The following XG variants were observed in gnomAD, a reference collection of about 807,000 sequenced individuals.
The protein encoded by XG is Xg glycoprotein (Xg blood group).
A neutral mutation model predicts 25.7 loss-of-function variants in XG; 24 were observed. The observed-to-expected ratio is 0.93, with a 90% CI of 0.68 to 1.31. XG has a LOEUF of 1.31. Among genes scored for constraint, XG ranks in the 40% most tolerant of loss-of-function variants. XG has a pLI of 0.00. For missense variants in XG, 181 were observed against 187.6 expected, an observed-to-expected ratio of 0.96 and a Z score of 0.21; for synonymous variants, 77 against 69.2, an observed-to-expected ratio of 1.11 and a Z score of -0.56.
At position 2,764,276 on chromosome X, in the gene XG, A is replaced by G. The variant is rs553417061; in HGVS notation, c.62-6274A>G. ...TCAAGAAAGAACCATACAAATGGGC[A>G]ACCAGTGGCCCTCGGGGCTGCTCCG... On this transcript the variant is annotated intron_variant, in intron 1 of 10. Transcript: ENST00000644266. Among the ~76,000 whole-genome samples the G allele has an allele frequency of 3.9e-5, 6 of 152,286 alleles. No homozygotes were observed. In the South Asian group the frequency reaches 1.2e-3, roughly 32 times the overall value.
chrX:2,765,048 A>G (rs1379575382), intron 1 of XG, among the ~76,000 whole-genome samples: 4 of 116,694 alleles, frequency 3.4e-5, no homozygotes, highest in Non-Finnish European at 1.8e-5. Context: ...ATCCAAAAAA[A>G]AAAAAAAAAA....
At chrX:2,758,952 C>CTCTT (rs2050497292) in intron 1 of XG, among the ~76,000 whole-genome samples, 1 of 28,484 alleles carries the variant, frequency 3.5e-5, no homozygotes, top group African/African-American at 1.1e-4. Context: ...TATTATCTAT[C>CTCTT]TATTTATCTA....
At chrX:2,806,794 G>A in intron 8 of XG, 49 bp downstream of exon 8, 6 of 1,003,083 alleles carry the variant, frequency 6.0e-6, no homozygotes, top group Non-Finnish European at 8.1e-6. Flanking sequence ...CTGTCCATTT[G>A]CAAATAACTA....
At chrX:2,814,342 T>G (rs753849033) in intron 10 of XG, 22 bp from the exon 11 acceptor site, 55 of 1,197,374 alleles carry the variant, frequency 4.6e-5, no homozygotes, top group Non-Finnish European at 4.7e-5. Flanking sequence ...ACAATGACAT[T>G]TGTTTCTAAT....
chrX:2,764,001 C>T (rs1413440273), intron 1 of XG, among the ~76,000 whole-genome samples: 2 of 152,076 alleles, frequency 1.3e-5, no homozygotes, highest in African/African-American at 4.8e-5. Context: ...TTCTAAGGCA[C>T]AGGATGAGAT....
At chrX:2,796,299 A>G (rs2086885689) in intron 6 of XG, among the ~76,000 whole-genome samples, 1 of 108,332 alleles carries the variant, frequency 9.2e-6, no homozygotes, top group Non-Finnish European at 1.9e-5. Flanking sequence ...TATATGCATT[A>G]TTTGTATAAA....
chrX:2,759,636 G>A (rs1214244296), intron 1 of XG, among the ~76,000 whole-genome samples: 1 of 152,166 alleles, frequency 6.6e-6, no homozygotes, highest in Admixed American at 6.5e-5. Flanking sequence ...AAGACATCTG[G>A]CAAATATTGG....
At chrX:2,791,552 CTA>C (rs1165273174) in intron 5 of XG, among the ~76,000 whole-genome samples, 7 of 109,888 alleles carry the variant, frequency 6.4e-5, no homozygotes, top group African/African-American at 2.3e-4. Flanking sequence ...GTATCCTAGA[CTA>C]TGTTCCCCCA....
chrX:2,770,731 G>T (rs1250228393), intron 2 of XG, 140 bp downstream of exon 2: 1 of 976,830 alleles, frequency 1.0e-6, no homozygotes, highest in Non-Finnish European at 1.6e-6. Flanking sequence ...GCAGGAGATT[G>T]CAGACACCTT....
intron 3 of XG, among the ~76,000 whole-genome samples, chrX:2,779,625 T>A (rs2051076134): frequency 6.6e-6 from 1 of 152,282 alleles, no homozygotes; most frequent in Admixed American, 6.5e-5. Context: ...TTGCATATAA[T>A]GCAAGTATAT....
intron 1 of XG, among the ~76,000 whole-genome samples, chrX:2,767,803 T>A (rs1057339962): frequency 1.3e-5 from 2 of 152,188 alleles, no homozygotes; most frequent in African/African-American, 4.8e-5. Flanking sequence ...GGCCGTCTGA[T>A]GCTGGCCGGA....
chrX:2,785,403 C>T (rs2086774085), intron 4 of XG, among the ~76,000 whole-genome samples: 1 of 111,569 alleles, frequency 9.0e-6, no homozygotes, highest in South Asian at 3.8e-4. Flanking sequence ...GTAAACAAAA[C>T]AGTTTACTTT....
chrX:2,773,489 A>C (rs1240052272), intron 2 of XG, among the ~76,000 whole-genome samples: 2 of 129,348 alleles, frequency 1.5e-5, no homozygotes, highest in Non-Finnish European at 3.3e-5. Context: ...GAGGGAAGGA[A>C]GGAAGGAAGG....
intron 3 of XG, among the ~76,000 whole-genome samples, chrX:2,776,991 T>C (rs2051013037): frequency 6.6e-6 from 1 of 152,222 alleles, no homozygotes; most frequent in African/African-American, 2.4e-5. Context: ...AAAATGCAGC[T>C]AAATTGCTGT....
intron 7 of XG, among the ~76,000 whole-genome samples, chrX:2,802,984 C>T (rs1247602685): frequency 9.0e-6 from 1 of 111,295 alleles, no homozygotes; most frequent in Non-Finnish European, 1.9e-5. Flanking sequence ...TAGGGCTGTT[C>T]GAGGGCTACA....
At chrX:2,758,543 C>T (rs779716871) in intron 1 of XG, among the ~76,000 whole-genome samples, 260 of 152,336 alleles carry the variant, frequency 1.7e-3, no homozygotes, top group Non-Finnish European at 2.2e-3. Context: ...ATGTGTCATT[C>T]ACTCTATGCA....
chrX:2,774,267 C>T (rs1389650864), intron 2 of XG, among the ~76,000 whole-genome samples: 6 of 152,180 alleles, frequency 3.9e-5, no homozygotes, highest in Non-Finnish European at 8.8e-5. Context: ...GCACCCTGAG[C>T]ACTCCTGACC....
chrX:2,759,443 G>A (rs112076658), intron 1 of XG, among the ~76,000 whole-genome samples: 2,118 of 152,152 alleles, frequency 0.014, 52 homozygotes, highest in African/African-American at 0.048. Flanking sequence ...TAGGAGGTAC[G>A]GTATAGTTGT....
intron 3 of XG, among the ~76,000 whole-genome samples, chrX:2,776,413 G>A (rs959599436): frequency 3.9e-5 from 6 of 152,112 alleles, no homozygotes; most frequent in African/African-American, 1.2e-4. Flanking sequence ...CTAATCAGAC[G>A]AATTCCCGGG....
Sources: gnomAD v4.1 joint callset for allele counts (sites outside exome capture counted in the v4.1 genomes callset) on GRCh38, gnomAD v4.1.1 for gene constraint, MANE v1.5 for transcripts, NCBI Gene and HGNC (gene_info 2026-07-23, HGNC 2026-07-21) for gene names.